Variants in FOXP2 observed in about 807,000 individuals in gnomAD.
The protein encoded by FOXP2 is forkhead box P2, also known as forkhead box protein P2.
In FOXP2, 12 loss-of-function variants were observed where a neutral mutation model predicts 115.8. That is an observed-to-expected ratio of 0.10 (90% CI 0.07 to 0.17). The LOEUF is 0.17. Among genes scored for constraint, FOXP2 ranks in the 10% least tolerant of loss-of-function variants. The pLI, the probability that FOXP2 is intolerant of heterozygous loss-of-function variation, is 1.00. For synonymous variants in FOXP2, 328 were observed against 297.7 expected, an observed-to-expected ratio of 1.10 and a Z score of -1.05; for missense variants, 629 against 843.5, an observed-to-expected ratio of 0.75 and a Z score of 3.15.
chr7:114,574,750 C>T (rs562786470), intron 3 of FOXP2, among the ~76,000 whole-genome samples: 1 of 151,962 alleles, frequency 6.6e-6, no homozygotes, highest in South Asian at 2.1e-4. Context: ...ACTGCGAAGG[C>T]AATTATGTGG....
chr7:114,138,453 G>A (rs528818686), intron 1 of FOXP2, among the ~76,000 whole-genome samples: 3 of 147,934 alleles, frequency 2.0e-5, no homozygotes, highest in East Asian at 2.0e-4. Context: ...GGGCAATGAC[G>A]CAATCTCGGC....
At chr7:114,286,793 A>G (rs893404186) in intron 1 of FOXP2, among the ~76,000 whole-genome samples, 3 of 152,060 alleles carry the variant, frequency 2.0e-5, no homozygotes, top group African/African-American at 7.2e-5. Flanking sequence ...ATGCTTTGTG[A>G]ACACCAAAAG....
chr7:114,217,146 A>G (rs1386220358), intron 1 of FOXP2, among the ~76,000 whole-genome samples: 1 of 152,180 alleles, frequency 6.6e-6, no homozygotes, highest in Non-Finnish European at 1.5e-5. Flanking sequence ...ATTAACAAAA[A>G]AGGAAGTAAA....
At chr7:114,139,990 G>A (rs1449154174) in intron 1 of FOXP2, among the ~76,000 whole-genome samples, 2 of 152,076 alleles carry the variant, frequency 1.3e-5, no homozygotes, top group Non-Finnish European at 2.9e-5. Context: ...GCAGGCGCCT[G>A]TAATCCCAGC....
intron 2 of FOXP2, among the ~76,000 whole-genome samples, chr7:114,301,394 A>G (rs1253051194): frequency 6.6e-6 from 1 of 152,116 alleles, no homozygotes; most frequent in African/African-American, 2.4e-5. Flanking sequence ...GGCATTCCTC[A>G]TTATTGTGGA....
At chr7:114,355,159 T>A (rs1791590595) in intron 2 of FOXP2, among the ~76,000 whole-genome samples, 1 of 152,046 alleles carries the variant, frequency 6.6e-6, no homozygotes, top group Non-Finnish European at 1.5e-5. Flanking sequence ...TTTAGGGAAA[T>A]AAAAATAATG....
intron 2 of FOXP2, among the ~76,000 whole-genome samples, chr7:114,456,016 C>T (rs953362869): frequency 2.0e-5 from 3 of 152,190 alleles, no homozygotes; most frequent in African/African-American, 4.8e-5. Flanking sequence ...AGTCATCCTT[C>T]AATGCACCAA....
intron 1 of FOXP2, among the ~76,000 whole-genome samples, chr7:114,124,746 G>T (rs1791658935): frequency 6.6e-6 from 1 of 151,390 alleles, no homozygotes; most frequent in South Asian, 2.1e-4. Flanking sequence ...TCTCACCTCT[G>T]CCACCACCTC....
intron 2 of FOXP2, among the ~76,000 whole-genome samples, chr7:114,311,705 G>C (rs577186879): frequency 6.6e-6 from 1 of 152,246 alleles, no homozygotes; most frequent in Non-Finnish European, 1.5e-5. Flanking sequence ...GTACATGATA[G>C]TAGGGAGTCA....
Position 114,559,698 on chromosome 7 carries a change from C to T in FOXP2, c.258+24992C>T, listed in dbSNP as rs534062625. Among the ~76,000 whole-genome samples the T allele has an allele frequency of 7.3e-5, 11 of 150,298 alleles. No homozygotes were observed. In the South Asian group the frequency reaches 1.1e-3, roughly 15 times the overall value. ...GAGATCGAGACCATACTGGCTAACA[C>T]GGTGAAACCCCGTCTCTACTAAAAA... On this transcript the variant is annotated intron_variant, in intron 3 of 16. Transcript: ENST00000350908.
rs148595416 is a variant in FOXP2, at chr7:114,546,109, G to A, written c.258+11403G>A. Among the ~76,000 whole-genome samples, 350 of 152,244 alleles carry A rather than the reference G, an allele frequency of 2.3e-3. 3 individuals carry two copies. Among genetic ancestry groups the A allele is most frequent in the Non-Finnish European group, 2.9e-3 (197 of 68,022 alleles). ...CAGTGTTTGTATATAACTCTATCAA[G>A]CCCCTCTTTTCTCCTAGGCTCCAGA... On this transcript the variant is annotated intron_variant, in intron 3 of 16. Coordinates refer to ENST00000350908, the MANE Select transcript of FOXP2 (RefSeq NM_014491.4).
chr7:114,643,785 T>C (rs1805716887), intron 7 of FOXP2, among the ~76,000 whole-genome samples: 1 of 152,186 alleles, frequency 6.6e-6, no homozygotes, highest in Admixed American at 6.6e-5. Flanking sequence ...CTTAACATAA[T>C]GGCTTAGGCT....
intron 2 of FOXP2, among the ~76,000 whole-genome samples, chr7:114,355,331 C>T (rs1388526549): frequency 6.6e-6 from 1 of 152,116 alleles, no homozygotes; most frequent in Non-Finnish European, 1.5e-5. Flanking sequence ...ATTTCCCTGT[C>T]CCATGGGGAG....
At chr7:114,554,436 A>C (rs1364534269) in intron 3 of FOXP2, among the ~76,000 whole-genome samples, 1 of 152,194 alleles carries the variant, frequency 6.6e-6, no homozygotes, top group Non-Finnish European at 1.5e-5. Flanking sequence ...TTGGCTAATG[A>C]AACTTGGTTC....
chr7:114,143,147 C>CAATAATAAT lies in FOXP2; in HGVS notation c.-246-19765_-246-19757dup, dbSNP rs77761140. On this transcript the variant is annotated intron_variant, in intron 1 of 19. Coordinates refer to the FOXP2 transcript ENST00000635638. ...TGGGGGACAGAGCAAGACCCTGTCT[C>CAATAATAAT]AATAATAATAATAATAATAATAATA... Among the ~76,000 whole-genome samples the CAATAATAAT allele has an allele frequency of 2.5e-3, 347 of 139,534 alleles. 2 individuals are homozygous for CAATAATAAT. The highest frequency in any genetic ancestry group is 7.2e-3 in the Middle Eastern group (2 of 276). The allele number at this position is 139,534 out of a possible 152,430, so 91.5% of individuals were successfully genotyped here. A position where few individuals can be genotyped will look rare whatever the true frequency, so the allele number is the denominator to read the frequency against.
intron 1 of FOXP2, among the ~76,000 whole-genome samples, chr7:114,260,865 C>CA (rs1795731823): frequency 1.3e-5 from 2 of 151,440 alleles, no homozygotes; most frequent in Admixed American, 1.3e-4. Flanking sequence ...TATTCCCAGG[C>CA]AATTAACCGA....
intron 3 of FOXP2, among the ~76,000 whole-genome samples, chr7:114,619,500 A>C (rs1042251884): frequency 6.6e-6 from 1 of 152,134 alleles, no homozygotes; most frequent in Non-Finnish European, 1.5e-5. Context: ...TACAATATAA[A>C]AGAGAATAAA....
At chr7:114,679,948 C>T (rs1807998630) in intron 16 of FOXP2, among the ~76,000 whole-genome samples, 1 of 152,160 alleles carries the variant, frequency 6.6e-6, no homozygotes. Flanking sequence ...ATTGTCCATG[C>T]AGCCCCTATC....
chr7:114,619,272 T>C (rs1324185359), intron 3 of FOXP2, among the ~76,000 whole-genome samples: 1 of 152,148 alleles, frequency 6.6e-6, no homozygotes, highest in Non-Finnish European at 1.5e-5. Context: ...AGTTATATTA[T>C]CTTCACTAAT....
Sources: gnomAD v4.1 joint callset for allele counts (sites outside exome capture counted in the v4.1 genomes callset) on GRCh38, gnomAD v4.1.1 for gene constraint, MANE v1.5 for transcripts, NCBI Gene and HGNC (gene_info 2026-07-23, HGNC 2026-07-21) for gene names.